Variants in MTUS1 observed in about 807,000 individuals in gnomAD.
MTUS1 encodes microtubule associated scaffold protein 1, also known as microtubule-associated tumor suppressor 1.
Under a neutral mutation model 120.8 loss-of-function variants are expected in MTUS1, and 109 were observed. That is an observed-to-expected ratio of 0.90 (90% CI 0.77 to 1.06). The LOEUF (loss-of-function observed/expected upper bound fraction) is 1.06, where lower values mean the gene tolerates loss of function less well. Ranked by LOEUF, MTUS1 falls within the 50% of genes least tolerant of loss-of-function variation. MTUS1 has a pLI of 0.00. For synonymous variants in MTUS1, 737 were observed against 550.5 expected (o/e 1.34, Z -4.74); for missense variants, 2,210 against 1,486.3 (o/e 1.49, Z -8.01).
intron 10 of MTUS1, 30 bp downstream of exon 10, chr8:17,654,531 C>G (rs1332413507): frequency 1.4e-5 from 19 of 1,348,918 alleles, no homozygotes; most frequent in Non-Finnish European, 2.0e-5. Flanking sequence ...AGATTTTATT[C>G]TGTTTAAAGA....
chr8:17,697,856 A>G (rs1475058742), intron 6 of MTUS1: 2 of 375,686 alleles, frequency 5.3e-6, no homozygotes, highest in African/African-American at 4.3e-5. Flanking sequence ...AAAAATTAGG[A>G]TTTCCTGAAA....
intron 8 of MTUS1, among the ~76,000 whole-genome samples, chr8:17,656,982 C>T (rs1217869048): frequency 2.4e-4 from 35 of 148,874 alleles, no homozygotes; most frequent in Admixed American, 1.3e-4. Context: ...TGGCGTGAAC[C>T]CAGGAGGCGG....
At chr8:17,725,002 C>T (rs1419413345) in intron 3 of MTUS1, among the ~76,000 whole-genome samples, 30 of 152,054 alleles carry the variant, frequency 2.0e-4, no homozygotes, top group Non-Finnish European at 7.4e-5. Flanking sequence ...GCAGTCCTCC[C>T]GCCTCAGTCT....
intron 7 of MTUS1, among the ~76,000 whole-genome samples, chr8:17,678,157 C>T (rs912072629): frequency 2.6e-5 from 4 of 152,158 alleles, no homozygotes; most frequent in Admixed American, 1.3e-4. Context: ...CCTGACTCTC[C>T]CTGGTAGCTT....
intron 3 of MTUS1, among the ~76,000 whole-genome samples, chr8:17,727,516 A>G (rs1362400314): frequency 2.6e-5 from 4 of 152,242 alleles, no homozygotes; most frequent in Admixed American, 2.6e-4. Context: ...ACAAAGACAT[A>G]TAACTATTTC....
intron 4 of MTUS1, among the ~76,000 whole-genome samples, chr8:17,718,438 G>C (rs368867368): frequency 1.1e-3 from 163 of 152,310 alleles, no homozygotes; most frequent in African/African-American, 3.6e-3. Flanking sequence ...ACAAGGGTCT[G>C]AATATCGGGT....
At chr8:17,738,493 A>T (rs1056165445) in intron 3 of MTUS1, among the ~76,000 whole-genome samples, 1 of 152,212 alleles carries the variant, frequency 6.6e-6, no homozygotes, top group Admixed American at 6.5e-5. Context: ...CTCTCTAAAG[A>T]TGTCTGAATT....
chr8:17,722,684 C>G, intron 4 of MTUS1: 1 of 392,086 alleles, frequency 2.6e-6, no homozygotes, highest in African/African-American at 2.2e-5. Context: ...CCTCACATAG[C>G]TGCTGTGTGA....
chr8:17,669,392 G>T (rs980506294), intron 8 of MTUS1, among the ~76,000 whole-genome samples: 2 of 152,174 alleles, frequency 1.3e-5, no homozygotes, highest in East Asian at 3.9e-4. Flanking sequence ...ACCCATGGCC[G>T]GGGCCTGGGA....
intron 3 of MTUS1, among the ~76,000 whole-genome samples, chr8:17,732,485 T>C (rs114728310): frequency 0.018 from 2,705 of 152,262 alleles, 38 homozygotes; most frequent in East Asian, 0.056. Context: ...GAGCTATCCT[T>C]GACCTGTGCT....
intron 7 of MTUS1, among the ~76,000 whole-genome samples, chr8:17,679,654 A>G (rs983684769): frequency 6.6e-6 from 1 of 152,044 alleles, no homozygotes; most frequent in Non-Finnish European, 1.5e-5. Flanking sequence ...GGCACATGCC[A>G]CCATGCCTGG....
Position 17,762,067 on chromosome 8 carries a change from G to T in MTUS1, c.-154-6106C>A, listed in dbSNP as rs555529327. Among the ~76,000 whole-genome samples, 218 of 152,224 alleles carry T rather than the reference G, an allele frequency of 1.4e-3. 6 individuals carry two copies. The South Asian group carries it at 0.044, about 30-fold the overall frequency. On this transcript the variant is annotated intron_variant, in intron 1 of 14. Coordinates refer to ENST00000693296, the MANE Select transcript of MTUS1 (RefSeq NM_001363059.2). ...AGCCGAGGTGGGCGGATCACTTGAG[G>T]CCAGGAGTTTGAGACCAGCCTAGCC...
intron 8 of MTUS1, among the ~76,000 whole-genome samples, chr8:17,657,298 G>A (rs942673415): frequency 2.6e-5 from 4 of 151,812 alleles, no homozygotes; most frequent in Non-Finnish European, 5.9e-5. Flanking sequence ...ACCGGGCGCG[G>A]TGGCTCACGC....
At position 17,776,156 on chromosome 8, in the gene MTUS1, C is replaced by A. The variant is rs564314211; in HGVS notation, c.-154-20195G>T. On this transcript the variant is annotated intron_variant, in intron 1 of 14. Coordinates refer to ENST00000693296, the MANE Select transcript of MTUS1 (RefSeq NM_001363059.2). Reference sequence around the variant, plus strand: ...ACATAGTCGGGAGAAAAAAAAACAACAATACAAAATACACTATAACATAAC... The same window carrying A: ...ACATAGTCGGGAGAAAAAAAAACAAAAATACAAAATACACTATAACATAAC... Among the ~76,000 whole-genome samples the A allele has an allele frequency of 1.7e-4, 26 of 151,954 alleles. 1 individual carries two copies. Among genetic ancestry groups the A allele is most frequent in the Non-Finnish European group, 3.5e-4 (24 of 67,990 alleles).
intron 1 of MTUS1, among the ~76,000 whole-genome samples, chr8:17,798,613 T>A (rs1233225409): frequency 6.6e-6 from 1 of 152,208 alleles, no homozygotes; most frequent in Non-Finnish European, 1.5e-5. Context: ...ATTAGAGGCG[T>A]GAGCCACCGC....
At chr8:17,721,893 T>G in intron 4 of MTUS1, 1 of 1,613,232 alleles carries the variant, frequency 6.2e-7, no homozygotes. Context: ...ATCCTCCTGG[T>G]ACAGTCATTT....
At chr8:17,652,437 A>G (rs1167196213) in intron 12 of MTUS1, among the ~76,000 whole-genome samples, 2 of 152,286 alleles carry the variant, frequency 1.3e-5, no homozygotes, top group African/African-American at 4.8e-5. Context: ...ATTCCTCAGA[A>G]TAAGTAAATC....
At chr8:17,663,645 G>A (rs1810269736) in intron 8 of MTUS1, among the ~76,000 whole-genome samples, 1 of 152,050 alleles carries the variant, frequency 6.6e-6, no homozygotes, top group African/African-American at 2.4e-5. Context: ...ACCCAGGCTG[G>A]AGTGTAGTGG....
chr8:17,656,144 CTGTGA>C (rs1808176788), intron 8 of MTUS1, 79 bp from the exon 9 acceptor site: 1 of 1,273,740 alleles, frequency 7.9e-7, no homozygotes. Flanking sequence ...TCACACACAG[CTGTGA>C]TGACACCTGA....
Sources: gnomAD v4.1 joint callset for allele counts (sites outside exome capture counted in the v4.1 genomes callset) on GRCh38, gnomAD v4.1.1 for gene constraint, MANE v1.5 for transcripts, NCBI Gene and HGNC (gene_info 2026-07-23, HGNC 2026-07-21) for gene names.